MTSS2: variants seen among roughly 807,000 people sequenced by gnomAD.
MTSS2 encodes MTSS I-BAR domain containing 2, also known as protein MTSS 2.
Under a neutral mutation model 67.1 loss-of-function variants are expected in MTSS2, and 27 were observed. The observed-to-expected ratio is 0.40, with a 90% CI of 0.30 to 0.55. The LOEUF (loss-of-function observed/expected upper bound fraction) is 0.55. Ranked by LOEUF, MTSS2 falls within the 20% of genes least tolerant of loss-of-function variation. MTSS2 has a pLI of 0.43. For missense variants in MTSS2, 1,171 were observed against 1,067.8 expected (o/e 1.10, Z -1.35); for synonymous variants, 624 against 468.6 (o/e 1.33, Z -4.28).
intron 8 of MTSS2, 62 bp downstream of exon 8, chr16:70,678,190 G>A (rs2053181782): frequency 1.4e-5 from 22 of 1,525,370 alleles, no homozygotes; most frequent in Non-Finnish European, 1.8e-5. Context: ...CTTCTTGGAG[G>A]TCAGAAGGTC....
chr16:70,663,499 G>T lies in MTSS2; in HGVS notation c.*178C>A. On this transcript the variant is annotated 3_prime_UTR_variant, in exon 15 of 15. Transcript: ENST00000338779. The stretch of plus-strand genomic sequence containing the variant: ...GCTCCGTCCTGGCCAGGCTTGCTAA[G>T]AAGTCACTTCCTGTTTAAATGCTGG... 1 of 1,242,662 alleles carries T rather than the reference G, an allele frequency of 8.0e-7. No homozygotes were observed. Among genetic ancestry groups the T allele is most frequent in the Non-Finnish European group, 1.1e-6 (1 of 932,222 alleles). The allele number at this position is 1,242,662 out of a possible 1,614,324, so 77.0% of individuals were successfully genotyped here.
chr16:70,661,510 T>G lies in MTSS2; in HGVS notation c.*2167A>C. 2.9e-6 allele frequency: 1 copy of G among 350,116 alleles called. No individual in the cohort carries two copies. The highest frequency in any genetic ancestry group is 3.9e-5 in the Admixed American group (1 of 25,736). The allele number at this position is 350,116 out of a possible 1,614,324, so 21.7% of individuals were successfully genotyped here. On this transcript the variant is annotated 3_prime_UTR_variant, in exon 15 of 15. Transcript: ENST00000338779. ...TCAAAAGACGCTTTTGAAAAGAATATTTCTCCGTACAAAATGAGAAATTAA... is the reference window on the plus strand; with the variant it reads ...TCAAAAGACGCTTTTGAAAAGAATAGTTCTCCGTACAAAATGAGAAATTAA...
At chr16:70,680,918 G>GCGCCCCCCC in intron 2 of MTSS2, 46 bp downstream of exon 2, 1 of 1,097,902 alleles carries the variant, frequency 9.1e-7, no homozygotes, top group Non-Finnish European at 1.3e-6. Context: ...CGGGGGGGGG[G>GCGCCCCCCC]CCTCTGCCTG....
intron 11 of MTSS2, among the ~76,000 whole-genome samples, chr16:70,668,089 G>C (rs1227790347): frequency 6.6e-6 from 1 of 151,664 alleles, no homozygotes; most frequent in Non-Finnish European, 1.5e-5. Context: ...AACCAAGCTA[G>C]GGGACTTCCA....
chr16:70,678,520 T>A (rs2142880937), intron 7 of MTSS2, 111 bp from the exon 8 acceptor site: 1 of 1,326,688 alleles, frequency 7.5e-7, no homozygotes, highest in Non-Finnish European at 1.0e-6. Context: ...GGCTGGGTGT[T>A]GCCCTGGGGC....
rs1474226682 is a variant in MTSS2, at chr16:70,678,302, C to T, written c.574G>A (p.Glu192Lys). The T allele has an allele frequency of 6.2e-7, 1 of 1,612,452 alleles. No homozygotes were observed. Among genetic ancestry groups the T allele is most frequent in the Non-Finnish European group, 8.5e-7 (1 of 1,179,964 alleles). Residue 192 changes from glutamate (E) to lysine (K), a missense_variant, in exon 8 of 15, where the codon GAG (glutamate) becomes AAG (lysine). Transcript: ENST00000338779. ...EKQAVRRALI[E>K]ERGRFCTFIT... Reference sequence around the variant, plus strand: ...AAGGTGCAGAAGCGGCCCCGCTCCTCGATCAGCGCCCGGCGCACGGCCTGC... The same window carrying T: ...AAGGTGCAGAAGCGGCCCCGCTCCTTGATCAGCGCCCGGCGCACGGCCTGC...
chr16:70,672,079 G>T (rs1252462986), intron 11 of MTSS2, among the ~76,000 whole-genome samples: 2 of 152,198 alleles, frequency 1.3e-5, no homozygotes, highest in Non-Finnish European at 2.9e-5. Context: ...CAGGGGCAGT[G>T]GCTCATGCCT....
At position 70,665,052 on chromosome 16, in the gene MTSS2, A is replaced by G; in HGVS notation, c.1173T>C (p.Thr391=). Residue 391 remains threonine, a synonymous_variant, in exon 13 of 15, where the codon ACT becomes ACC. Coordinates refer to ENST00000338779, the MANE Select transcript of MTSS2 (RefSeq NM_138383.3). ...CCACTCGGTCCTTCCTCCGCTGCAGAGTGGCGCCTGAGGGCTGCTCATGGG... is the reference window on the plus strand; with the variant it reads ...CCACTCGGTCCTTCCTCCGCTGCAGGGTGGCGCCTGAGGGCTGCTCATGGG... ...VGSHEQPSGA[T]LQRRKDRVEL... 6.3e-7 allele frequency: 1 copy of G among 1,597,834 alleles called. No homozygotes were observed. Among genetic ancestry groups the G allele is most frequent in the Non-Finnish European group, 8.5e-7 (1 of 1,179,718 alleles).
chr16:70,664,236 G>A lies in MTSS2; in HGVS notation c.1685C>T (p.Ala562Val). Residue 562 changes from alanine (A) to valine (V), a missense_variant, in exon 15 of 15, where the codon GCC becomes GTC. By Grantham distance (64) the Ala-to-Val change is moderately conservative. This residue lies in a region of MTSS2 where 924 missense variants were observed against 756.0 expected (regional missense o/e 1.22). Transcript: ENST00000338779. ...GLPSGAPPGVATIRRTPSTKP... is the reference protein window; with the variant it reads ...GLPSGAPPGVVTIRRTPSTKP... ...GGTGGAGGGTGTGCGGCGGATGGTG[G>A]CCACGCCGGGGGGTGCGCCCGAGGG... The A allele has an allele frequency of 6.4e-7, 1 of 1,569,574 alleles. No homozygotes were observed. The highest frequency in any genetic ancestry group is 8.6e-7 in the Non-Finnish European group (1 of 1,163,480).
chr16:70,674,603 A>G lies in MTSS2; in HGVS notation c.831-75T>C, dbSNP rs116424760. The G allele has an allele frequency of 9.3e-4, 1,247 of 1,347,708 alleles. 12 individuals carry two copies. In the African/African-American group the frequency reaches 0.015, roughly 17 times the overall value. 83.5% of individuals were successfully genotyped at this position (1,347,708 alleles called of 1,614,324 possible). On this transcript the variant is annotated intron_variant, in intron 10 of 14. Transcript: ENST00000338779. ...GGTGTGTGTTTGGGGGAGGTTGACA[A>G]ACGAGGGTGGGGAAAGAGGTGAGGG...
At chr16:70,668,342 A>G (rs866615777) in intron 11 of MTSS2, among the ~76,000 whole-genome samples, 2 of 151,580 alleles carry the variant, frequency 1.3e-5, no homozygotes, top group African/African-American at 2.4e-5. Context: ...CTGGGGACAG[A>G]GGTTGCAGTG....
chr16:70,678,966 G>GA (rs1270397602), intron 7 of MTSS2, among the ~76,000 whole-genome samples: 4 of 152,216 alleles, frequency 2.6e-5, no homozygotes, highest in Non-Finnish European at 5.9e-5. Context: ...AGAGAGAGGC[G>GA]AGAGGATGAT....
intron 1 of MTSS2, among the ~76,000 whole-genome samples, chr16:70,684,899 A>T (rs2142948222): frequency 6.6e-6 from 1 of 152,240 alleles, no homozygotes; most frequent in South Asian, 2.1e-4. Context: ...AGGTCAGGGG[A>T]AGGGTCCAAT....
In MTSS2 at chr16:70,665,477, A is replaced by T; in HGVS notation, c.1117T>A (p.Ser373Thr). The stretch of plus-strand genomic sequence containing the variant: ...CTGGGAGCACTGACCGAGGTGGGGG[A>T]GCTGCACTCGCTAACGGACTGGCAG... ...ETCQSVSECS[S>T]PTSDWSKVGS... The change falls in exon 12 of 15, where the codon TCC (serine) becomes ACC (threonine). Residue 373 changes from serine (S) to threonine (T), a missense_variant. By Grantham distance (58) the Ser-to-Thr change is moderately conservative. This residue lies in a region of MTSS2 where 924 missense variants were observed against 756.0 expected (regional missense o/e 1.22). Transcript: ENST00000338779. The T allele has an allele frequency of 6.4e-7, 1 of 1,555,476 alleles. No homozygotes were observed. Among genetic ancestry groups the T allele is most frequent in the South Asian group, 1.2e-5 (1 of 84,336 alleles).
rs375933801 is a variant in MTSS2, at chr16:70,674,416, T to C, written c.943A>G (p.Thr315Ala). 1 of 1,614,124 alleles carries C rather than the reference T, an allele frequency of 6.2e-7. No homozygotes were observed. Among genetic ancestry groups the C allele is most frequent in the African/African-American group, 1.3e-5 (1 of 75,040 alleles). ...ACGCTGGAGAGGCGAGCGGTGGTGG[T>C]GGCTGGCTGCGCCAGGCTGCGGTAG... is the stretch of plus-strand genomic sequence containing the variant. ...CRYRSLAQPATTTARLSSVSS... is the reference protein window; with the variant it reads ...CRYRSLAQPAATTARLSSVSS... Residue 315 changes from threonine to alanine, a missense_variant, in exon 11 of 15, where the codon ACC (threonine) becomes GCC (alanine). Thr to Ala is a moderately conservative substitution (Grantham distance 58). Transcript: ENST00000338779.
chr16:70,684,358 G>A (rs1567509520), intron 1 of MTSS2, among the ~76,000 whole-genome samples: 3 of 151,622 alleles, frequency 2.0e-5, no homozygotes. Flanking sequence ...CCCAGGGGGA[G>A]TGCACCATGA....
Position 70,674,490 on chromosome 16 carries a change from G to T in MTSS2, c.869C>A (p.Ala290Asp), listed in dbSNP as rs143838443. 401 of 1,613,782 alleles carry T rather than the reference G, an allele frequency of 2.5e-4. No homozygotes were observed. The highest frequency in any genetic ancestry group is 3.2e-4 in the Non-Finnish European group (376 of 1,180,018). ...TGTTTGGGCACCCCCAGGCCATGGG[G>T]CTCCGCCACCCTTGGCACTGCTACT... is the stretch of plus-strand genomic sequence containing the variant. ...SSSSSAKGGG[A>D]PWPGGAQTYS... The change falls in exon 11 of 15, where the codon GCC becomes GAC. Residue 290 changes from alanine (A) to aspartate (D), a missense_variant. By Grantham distance (126) the Ala-to-Asp change is moderately radical. Around this residue, in one of 2 missense-constraint regions of MTSS2, gnomAD observed 924 missense variants for 756.0 expected, o/e 1.22. Coordinates refer to ENST00000338779, the MANE Select transcript of MTSS2 (RefSeq NM_138383.3).
intron 1 of MTSS2, among the ~76,000 whole-genome samples, chr16:70,684,098 C>T (rs906174875): frequency 3.3e-5 from 5 of 152,224 alleles, no homozygotes; most frequent in African/African-American, 1.2e-4. Flanking sequence ...AGAGACTGTC[C>T]TAGTCCACTT....
intron 11 of MTSS2, among the ~76,000 whole-genome samples, chr16:70,673,426 A>G (rs2053007498): frequency 6.6e-6 from 1 of 152,200 alleles, no homozygotes; most frequent in South Asian, 2.1e-4. Context: ...GTGTGGATGG[A>G]AGACAACTGT....
Sources: allele counts gnomAD v4.1 joint callset (sites outside exome capture counted in the v4.1 genomes callset), GRCh38; gene constraint gnomAD v4.1.1; regional missense constraint gnomAD v4.1.1; transcripts MANE v1.5; gene names NCBI Gene and HGNC (gene_info 2026-07-23, HGNC 2026-07-21).